The following PRH1 variants were observed in gnomAD, a reference collection of about 807,000 sequenced individuals.
The protein encoded by PRH1 is salivary acidic proline-rich phosphoprotein 1/2.
PRH1 carries 7 observed loss-of-function variants against 7.9 expected under a neutral mutation model. The ratio of observed to expected loss-of-function variants is 0.89; its 90% CI spans 0.50 to 1.67. The LOEUF (loss-of-function observed/expected upper bound fraction) is 1.67. Among genes scored for constraint, PRH1 ranks in the 40% most tolerant of loss-of-function variants. The pLI is 0.00. For synonymous variants in PRH1, 45 were observed against 80.8 expected, an observed-to-expected ratio of 0.56 and a Z score of 2.38; for missense variants, 109 against 223.6, an observed-to-expected ratio of 0.49 and a Z score of 3.27.
At chr12:11,126,459 C>T (rs1047093011) in intron 1 of PRH1, among the ~76,000 whole-genome samples, 1 of 152,252 alleles carries the variant, frequency 6.6e-6, no homozygotes, top group African/African-American at 2.4e-5. Flanking sequence ...CTAGTTGGTT[C>T]ATTTTGATTG....
intron 1 of PRH1, among the ~76,000 whole-genome samples, chr12:11,027,482 T>A (rs78893469): frequency 0.093 from 6,631 of 71,430 alleles, no homozygotes; most frequent in Non-Finnish European, 0.12. Context: ...TTTTACAGTA[T>A]ATGGCATGTT....
intron 1 of PRH1, chr12:11,158,970 A>C (rs1947336229): frequency 6.6e-6 from 1 of 152,128 alleles, no homozygotes; most frequent in Admixed American, 6.5e-5. Flanking sequence ...TCTCCTATTA[A>C]AGTGGAAATA....
intron 1 of PRH1, among the ~76,000 whole-genome samples, chr12:10,991,247 C>T (rs1164386791): frequency 6.6e-6 from 1 of 152,086 alleles, no homozygotes; most frequent in African/African-American, 2.4e-5. Context: ...ATTAATTGAT[C>T]ATAGAGAAAA....
chr12:11,003,485 C>T (rs1047300294), intron 1 of PRH1, among the ~76,000 whole-genome samples: 1 of 151,868 alleles, frequency 6.6e-6, no homozygotes, highest in Non-Finnish European at 1.5e-5. Context: ...TGTTTCCTCC[C>T]TCCCAAGTAT....
At chr12:10,912,444 T>C (rs1949913885) in intron 2 of PRH1, among the ~76,000 whole-genome samples, 1 of 152,146 alleles carries the variant, frequency 6.6e-6, no homozygotes, top group Non-Finnish European at 1.5e-5. Context: ...GAATATATCC[T>C]TTAAATTCTT....
At chr12:11,042,448 G>A (rs533036155) in intron 1 of PRH1, among the ~76,000 whole-genome samples, 1 of 132,878 alleles carries the variant, frequency 7.5e-6, no homozygotes, top group East Asian at 2.3e-4. Flanking sequence ...CCAAAAACAG[G>A]TAATGAGATA....
chr12:11,129,929 T>A lies in PRH1; in HGVS notation n.40-8749A>T, dbSNP rs561770837. The stretch of plus-strand genomic sequence containing the variant: ...ACTTTAGGAGGCCGACACAGGCAGA[T>A]CACTTGAGCCCAGGAGTTTGAGACC... On this transcript the variant is annotated intron_variant and non_coding_transcript_variant, in intron 1 of 1. Transcript: ENST00000541175. Among the ~76,000 whole-genome samples the A allele has an allele frequency of 5.3e-4, 80 of 152,316 alleles. No individual in the cohort carries two copies. In the Middle Eastern group the frequency reaches 0.014, roughly 26 times the overall value.
chr12:10,884,521 T>G (rs1156979194), upstream of PRH1, among the ~76,000 whole-genome samples: 1 of 152,194 alleles, frequency 6.6e-6, no homozygotes, highest in Non-Finnish European at 1.5e-5. Flanking sequence ...AGTGTCAGGA[T>G]TGAACTTTAG....
intron 1 of PRH1, among the ~76,000 whole-genome samples, chr12:11,043,792 G>A (rs894620304): frequency 2.0e-5 from 3 of 151,920 alleles, no homozygotes; most frequent in Admixed American, 1.3e-4. Context: ...AAATTGAAAA[G>A]GACACCCAAC....
intron 2 of PRH1, chr12:10,929,352 G>A: frequency 6.2e-7 from 1 of 1,614,126 alleles, no homozygotes; most frequent in Non-Finnish European, 8.5e-7. Flanking sequence ...GCCGAATTGG[G>A]GGAAGATATT....
At chr12:11,061,314 T>C (rs1421562216) in intron 1 of PRH1, 7 of 1,558,092 alleles carry the variant, frequency 4.5e-6, no homozygotes, top group Middle Eastern at 3.5e-4. Flanking sequence ...AAATGCTTCA[T>C]ATAACACGTT....
chr12:11,146,806 C>CA (rs1344405458), intron 1 of PRH1, among the ~76,000 whole-genome samples: 18 of 151,996 alleles, frequency 1.2e-4, no homozygotes, highest in Non-Finnish European at 2.9e-5. Flanking sequence ...CAATTTACTG[C>CA]AAAAAACACA....
At chr12:10,938,848 G>C (rs1383613432) in intron 2 of PRH1, 1 of 1,613,614 alleles carries the variant, frequency 6.2e-7, no homozygotes, top group East Asian at 2.2e-5. Flanking sequence ...ACTTTAGGTA[G>C]AGAAAAATAG....
At position 10,902,085 on chromosome 12, in the gene PRH1, GC is replaced by G. The variant is rs532509493; in HGVS notation, c.-58-17811del. Among the ~76,000 whole-genome samples the G allele has an allele frequency of 1.1e-3, 162 of 152,156 alleles. 1 individual carries two copies. Among genetic ancestry groups the G allele is most frequent in the African/African-American group, 3.8e-3 (156 of 41,520 alleles). On this transcript the variant is annotated intron_variant, in intron 2 of 3. Transcript: ENST00000539853. ...AGATTGCAAGGAAGCTCAATGAGAT[GC>G]AAGACAAGGCTGAAAATGAATACAG...
intron 2 of PRH1, among the ~76,000 whole-genome samples, chr12:10,956,055 A>T (rs1173283856): frequency 6.6e-6 from 1 of 152,176 alleles, no homozygotes; most frequent in African/African-American, 2.4e-5. Context: ...AAACTGAGGA[A>T]AAGAAACTCC....
chr12:11,133,878 T>C, intron 1 of PRH1: 2 of 1,614,150 alleles, frequency 1.2e-6, no homozygotes, highest in Non-Finnish European at 1.7e-6. Context: ...TTAACTCTCC[T>C]CTTTATGCGA....
intron 2 of PRH1, among the ~76,000 whole-genome samples, chr12:10,906,745 G>A (rs1466931967): frequency 5.9e-5 from 9 of 152,092 alleles, no homozygotes; most frequent in Non-Finnish European, 1.3e-4. Flanking sequence ...CCATTATTGT[G>A]AGGCCTTTCC....
rs774865839 is a variant in PRH1, at chr12:11,092,196, G to C, written n.124-45008C>G. 24 of 1,322,326 alleles carry C rather than the reference G, an allele frequency of 1.8e-5. 1 individual carries two copies. The highest frequency in any genetic ancestry group is 2.3e-5 in the East Asian group (1 of 43,424). 81.9% of individuals were successfully genotyped at this position (1,322,326 alleles called of 1,614,324 possible). On this transcript the variant is annotated intron_variant and non_coding_transcript_variant, in intron 1 of 4. Transcript: ENST00000541977. ...CCAATAACAAATGTAACCACTACCA[G>C]ACTGGAAAAAATGATGGGTAGAAAA...
intron 1 of PRH1, among the ~76,000 whole-genome samples, chr12:11,069,794 A>C: frequency 6.6e-6 from 1 of 152,192 alleles, no homozygotes; most frequent in Non-Finnish European, 1.5e-5. Flanking sequence ...AAATCAAGAA[A>C]CCTCAACCAG....
Sources: allele counts gnomAD v4.1 joint callset (sites outside exome capture counted in the v4.1 genomes callset), GRCh38; gene constraint gnomAD v4.1.1; transcripts MANE v1.5; gene names NCBI Gene and HGNC (gene_info 2026-07-23, HGNC 2026-07-21).